Variants in CC2D2A observed in about 807,000 individuals in gnomAD.
The protein encoded by CC2D2A is coiled-coil and C2 domain containing 2A, also known as coiled-coil and C2 domain-containing protein 2A.
In CC2D2A, 155 loss-of-function variants were observed where a neutral mutation model predicts 212.9. The observed-to-expected ratio is 0.73, with a 90% CI of 0.64 to 0.83. The LOEUF is 0.83. CC2D2A is among the 40% of genes least tolerant of loss of function. The pLI is 0.00. For missense variants in CC2D2A, 1,856 were observed against 1,956.2 expected (o/e 0.95, Z 0.97); for synonymous variants, 667 against 686.5 (o/e 0.97, Z 0.44).
chr4:15,532,100 G>A (rs1717878195), intron 13 of CC2D2A, among the ~76,000 whole-genome samples: 1 of 152,202 alleles, frequency 6.6e-6, no homozygotes, highest in African/African-American at 2.4e-5. Flanking sequence ...AAATAGTAGA[G>A]CCAAGATTCA....
At chr4:15,572,212 G>A (rs2109075943) in intron 28 of CC2D2A, among the ~76,000 whole-genome samples, 1 of 152,176 alleles carries the variant, frequency 6.6e-6, no homozygotes, top group South Asian at 2.1e-4. Flanking sequence ...AACACAATTG[G>A]CATTGTCATC....
At chr4:15,478,445 TC>T (rs1488685889) in intron 2 of CC2D2A, among the ~76,000 whole-genome samples, 1 of 152,196 alleles carries the variant, frequency 6.6e-6, no homozygotes, top group Non-Finnish European at 1.5e-5. Flanking sequence ...TAGTAAATGC[TC>T]AATAAATGCT....
chr4:15,478,774 T>G lies in CC2D2A; in HGVS notation c.91T>G (p.Ser31Ala), dbSNP rs780506478. The change falls in exon 3 of 37, where the codon TCA (serine) becomes GCA (alanine). Residue 31 changes from serine (S) to alanine (A), a missense_variant. Physicochemically the swap from Ser to Ala is moderately conservative, Grantham distance 99. Coordinates refer to ENST00000424120, the MANE Select transcript of CC2D2A (RefSeq NM_001378615.1). ...DADMGRQNKN[S>A]KVRRQPRKKQ... ...AGACATGGGAAGACAGAATAAGAAC[T>G]CAAAGGTTCGAAGACAGCCAAGAAA... 1 of 1,554,772 alleles carries G rather than the reference T, an allele frequency of 6.4e-7. No homozygotes were observed. The highest frequency in any genetic ancestry group is 8.7e-7 in the Non-Finnish European group (1 of 1,148,754).
intron 13 of CC2D2A, among the ~76,000 whole-genome samples, chr4:15,532,814 C>T (rs925535146): frequency 6.6e-6 from 1 of 152,156 alleles, no homozygotes; most frequent in African/African-American, 2.4e-5. Flanking sequence ...TTTGTGTTAA[C>T]ACAGGAAGAC....
intron 24 of CC2D2A, among the ~76,000 whole-genome samples, chr4:15,565,469 T>C (rs901750868): frequency 8.6e-5 from 13 of 150,800 alleles, no homozygotes; most frequent in African/African-American, 2.9e-4. Flanking sequence ...CTAATACCTA[T>C]CTCACTTTAT....
chr4:15,511,227 T>G lies in CC2D2A; in HGVS notation c.541-20T>G, dbSNP rs114335547. The G allele has an allele frequency of 9.0e-3, 14,219 of 1,581,264 alleles. 94 individuals are homozygous for G. The highest frequency in any genetic ancestry group is 0.011 in the Non-Finnish European group (12,253 of 1,165,350). On this transcript the variant is annotated intron_variant, in intron 7 of 36. Transcript: ENST00000424120. ...CAGCTTATAAATGGGAAATTGCGATTGCTCCTTGCTTTTCGTTAGGTTCCA... is the reference window on the plus strand; with the variant it reads ...CAGCTTATAAATGGGAAATTGCGATGGCTCCTTGCTTTTCGTTAGGTTCCA...
intron 20 of CC2D2A, among the ~76,000 whole-genome samples, chr4:15,555,722 T>G (rs1052023968): frequency 6.6e-6 from 1 of 152,092 alleles, no homozygotes; most frequent in East Asian, 1.9e-4. Context: ...CTGAATAGAG[T>G]GAGACTCCCA....
chr4:15,513,657 T>C (rs1194918617), intron 8 of CC2D2A, among the ~76,000 whole-genome samples: 2 of 152,226 alleles, frequency 1.3e-5, no homozygotes, highest in Non-Finnish European at 2.9e-5. Flanking sequence ...CTGTAGCCCC[T>C]TTCGCTAGCT....
rs199768782 is a variant in CC2D2A, at chr4:15,540,994, C to A, written c.2161C>A (p.Pro721Thr). The part of the protein sequence containing the change: ...QIFNLQIVNW[P>T]ESLTLQVYET... ...TTTCAATTTGCAAATAGTCAACTGG[C>A]CGGAGAGTTTAACACTTCAGGTACA... The change falls in exon 17 of 37, where the codon CCG becomes ACG. Residue 721 changes from proline to threonine, a missense_variant. Pro to Thr is a conservative substitution (Grantham distance 38). Coordinates refer to ENST00000424120, the MANE Select transcript of CC2D2A (RefSeq NM_001378615.1). 4 of 1,549,566 alleles carry A rather than the reference C, an allele frequency of 2.6e-6. No individual in the cohort carries two copies. The highest frequency in any genetic ancestry group is 2.4e-5 in the South Asian group (2 of 83,762).
intron 6 of CC2D2A, among the ~76,000 whole-genome samples, chr4:15,509,936 G>A (rs772064752): frequency 3.9e-5 from 6 of 152,154 alleles, no homozygotes; most frequent in Admixed American, 1.3e-4. Context: ...TGAGACCTCC[G>A]TCATGCATGC....
At chr4:15,555,518 C>T (rs186948143) in intron 20 of CC2D2A, among the ~76,000 whole-genome samples, 29 of 152,168 alleles carry the variant, frequency 1.9e-4, no homozygotes, top group Non-Finnish European at 3.8e-4. Context: ...GAAGGAGGAT[C>T]GCTTGAGCCC....
chr4:15,567,608 T>A (rs572011142), intron 25 of CC2D2A, 69 bp from the exon 26 acceptor site: 5 of 1,325,596 alleles, frequency 3.8e-6, no homozygotes, highest in Non-Finnish European at 5.2e-6. Flanking sequence ...GTAAATATAC[T>A]CTATTTTTGC....
chr4:15,579,594 C>A (rs1318779498), intron 29 of CC2D2A, among the ~76,000 whole-genome samples: 1 of 152,166 alleles, frequency 6.6e-6, no homozygotes, highest in Non-Finnish European at 1.5e-5. Context: ...GGCCGCCCCC[C>A]AGCCTGCACA....
At position 15,557,186 on chromosome 4, in the gene CC2D2A, T is replaced by A. The variant is rs1432243196; in HGVS notation, c.2626-118T>A. On this transcript the variant is annotated intron_variant, in intron 20 of 36. Coordinates refer to ENST00000424120, the MANE Select transcript of CC2D2A (RefSeq NM_001378615.1). ...CTCATTATTATTATATTTTAAAGTA[T>A]TTTGTCTTTCAAGTCTTTTAATCTA... 30 of 599,318 alleles carry A rather than the reference T, an allele frequency of 5.0e-5. No homozygotes were observed. The East Asian group carries it at 8.1e-4, about 16-fold the overall frequency. 37.1% of individuals were successfully genotyped at this position (599,318 alleles called of 1,614,324 possible). A position where few individuals can be genotyped will look rare whatever the true frequency, so the allele number is the denominator to read the frequency against.
At chr4:15,477,238 G>C (rs576432639) in intron 2 of CC2D2A, among the ~76,000 whole-genome samples, 37 of 150,574 alleles carry the variant, frequency 2.5e-4, no homozygotes, top group Non-Finnish European at 4.0e-4. Context: ...GGTGGCGGAG[G>C]TTGCGGTGAG....
intron 3 of CC2D2A, chr4:15,479,316 A>G: frequency 6.5e-7 from 1 of 1,536,844 alleles, no homozygotes; most frequent in Non-Finnish European, 8.7e-7. Context: ...CGTGCAGGGT[A>G]AATCTTTTCA....
At chr4:15,542,711 G>A (rs1490943088) in intron 17 of CC2D2A, among the ~76,000 whole-genome samples, 1 of 151,916 alleles carries the variant, frequency 6.6e-6, no homozygotes, top group Non-Finnish European at 1.5e-5. Flanking sequence ...CCACTTCAAG[G>A]ACCCCCTGGA....
intron 17 of CC2D2A, among the ~76,000 whole-genome samples, chr4:15,546,182 G>A (rs1017166651): frequency 6.6e-6 from 1 of 152,126 alleles, no homozygotes; most frequent in Admixed American, 6.5e-5. Flanking sequence ...CCAGGCCACA[G>A]TCCTTCCAGA....
At position 15,550,972 on chromosome 4, in the gene CC2D2A, T is replaced by C. The variant is rs1577369055; in HGVS notation, c.2330T>C (p.Val777Ala). 6.3e-7 allele frequency: 1 copy of C among 1,591,106 alleles called. No individual in the cohort carries two copies. Among genetic ancestry groups the C allele is most frequent in the East Asian group, 2.2e-5 (1 of 44,550 alleles). Residue 777 changes from valine (V) to alanine (A), a missense_variant, in exon 18 of 37, where the codon GTT (valine) becomes GCT (alanine). By Grantham distance (64) the Val-to-Ala change is moderately conservative. This residue lies in a region of CC2D2A where 1,512 missense variants were observed against 1,579.3 expected (regional missense o/e 0.96). Coordinates refer to ENST00000424120, the MANE Select transcript of CC2D2A (RefSeq NM_001378615.1). ...CATGTGACACTGGACCACGAGGGAG[T>C]TGGAAGTGGTATGGAAAGCTAATAT... is the stretch of plus-strand genomic sequence containing the variant. ...NQHVTLDHEGVGSGVPFSFEA... is the reference protein window; with the variant it reads ...NQHVTLDHEGAGSGVPFSFEA...
Sources: allele counts gnomAD v4.1 joint callset (sites outside exome capture counted in the v4.1 genomes callset), GRCh38; gene constraint gnomAD v4.1.1; regional missense constraint gnomAD v4.1.1; transcripts MANE v1.5; gene names NCBI Gene and HGNC (gene_info 2026-07-23, HGNC 2026-07-21).